Variants in SRI observed in about 807,000 individuals in gnomAD.
The protein encoded by SRI is 22 kDa protein.
SRI carries 30 observed loss-of-function variants against 33.3 expected under a neutral mutation model. The ratio of observed to expected loss-of-function variants is 0.90; its 90% CI spans 0.67 to 1.22. SRI has a LOEUF of 1.22. SRI is among the 50% of genes most tolerant of loss of function. The pLI is 0.00. For synonymous variants in SRI, 75 were observed against 89.9 expected (o/e 0.83, Z 0.94); for missense variants, 243 against 250.8 (o/e 0.97, Z 0.21).
intron 3 of SRI, among the ~76,000 whole-genome samples, chr7:88,214,620 ATAAT>A (rs574237768): frequency 2.7e-4 from 41 of 151,402 alleles, no homozygotes; most frequent in African/African-American, 9.2e-4. Context: ...TCTATTTTAA[ATAAT>A]TATTTAAAAT....
At chr7:88,214,863 A>G in intron 3 of SRI, 1 of 1,263,276 alleles carries the variant, frequency 7.9e-7, no homozygotes. Context: ...TCTCACAGAA[A>G]CATACAATAT....
Position 88,205,241 on chromosome 7 carries a change from T to A in SRI, c.*1237A>T, listed in dbSNP as rs566447585. ...CAAGTAGAAAATAGACTAATTTCAT[T>A]TTTTATCTGTTAAGCTCTCTTGATA... On this transcript the variant is annotated 3_prime_UTR_variant, in exon 8 of 8. Transcript: ENST00000265729. The A allele has an allele frequency of 6.0e-4, 92 of 152,334 alleles. No individual in the cohort carries two copies. Among genetic ancestry groups the A allele is most frequent in the African/African-American group, 1.9e-3 (81 of 41,578 alleles). The allele number at this position is 152,334 out of a possible 1,614,324, so 9.4% of individuals were successfully genotyped here.
intron 3 of SRI, among the ~76,000 whole-genome samples, chr7:88,211,445 A>C (rs1236101533): frequency 6.6e-6 from 1 of 151,146 alleles, no homozygotes; most frequent in Admixed American, 6.6e-5. Context: ...ACAGGGCAAG[A>C]CTCCATCTCA....
chr7:88,215,905 A>T (rs1392664990), intron 3 of SRI, among the ~76,000 whole-genome samples: 2 of 152,220 alleles, frequency 1.3e-5, no homozygotes, highest in Non-Finnish European at 2.9e-5. Flanking sequence ...TACCCTGGAA[A>T]TCTATCATGT....
Position 88,220,004 on chromosome 7 carries a change from C to A in SRI, c.23G>T (p.Gly8Val). 1 of 1,535,578 alleles carries A rather than the reference C, an allele frequency of 6.5e-7. No individual in the cohort carries two copies. The highest frequency in any genetic ancestry group is 8.7e-7 in the Non-Finnish European group (1 of 1,145,890). The change falls in exon 1 of 8, where the codon GGC becomes GTC. Residue 8 changes from glycine (G) to valine (V), a missense_variant. Transcript: ENST00000265729. MAYPGHP[G>V]AGGGYYPGGY... ...GCCTGGGTAGTACCCGCCGCCGGCG[C>A]CAGGATGCCCCGGGTACGCCATGCT...
chr7:88,214,911 C>T (rs1223016436), intron 3 of SRI: 1 of 890,226 alleles, frequency 1.1e-6, no homozygotes, highest in Non-Finnish European at 1.6e-6. Context: ...CCAGCTGTTT[C>T]TCTCAACCTT....
At chr7:88,222,621 A>G (rs183329407), upstream of SRI, among the ~76,000 whole-genome samples, 160 of 152,326 alleles carry the variant, frequency 1.1e-3, 1 homozygote, top group African/African-American at 3.6e-3. Flanking sequence ...TACAGTAACC[A>G]AAACAGCATG....
At chr7:88,225,513 G>A (rs1267554374) in intron 1 of SRI, among the ~76,000 whole-genome samples, 1 of 152,130 alleles carries the variant, frequency 6.6e-6, no homozygotes, top group Non-Finnish European at 1.5e-5. Context: ...GGACTACAAA[G>A]TATTTTCTGA....
upstream of SRI, among the ~76,000 whole-genome samples, chr7:88,221,979 A>G (rs1424294008): frequency 2.0e-5 from 3 of 147,400 alleles, no homozygotes; most frequent in South Asian, 2.3e-4. Context: ...GAGAATGATG[A>G]TTTCCAATTT....
intron 1 of SRI, among the ~76,000 whole-genome samples, chr7:88,225,308 A>G (rs1335845873): frequency 1.3e-5 from 2 of 152,192 alleles, no homozygotes; most frequent in African/African-American, 4.8e-5. Context: ...ATCATTGTAC[A>G]TATGTAAATA....
Position 88,210,146 on chromosome 7 carries a change from G to A in SRI, c.250-16C>T. 1 of 1,613,734 alleles carries A rather than the reference G, an allele frequency of 6.2e-7. No homozygotes were observed. The highest frequency in any genetic ancestry group is 1.7e-4 in the Middle Eastern group (1 of 6,060). ...ACATATCTCTCTGAACTGTAATCAAGGATTAGAGCTGTATTTTGCGATATT... is the reference window on the plus strand; with the variant it reads ...ACATATCTCTCTGAACTGTAATCAAAGATTAGAGCTGTATTTTGCGATATT... On this transcript the variant is annotated splice_polypyrimidine_tract_variant and intron_variant, in intron 4 of 7. Transcript: ENST00000265729.
chr7:88,226,873 G>A lies in SRI; in HGVS notation c.6+36C>T, dbSNP rs200051269. The A allele has an allele frequency of 3.1e-5, 49 of 1,604,884 alleles. No homozygotes were observed. The Admixed American group carries it at 6.5e-4, about 21-fold the overall frequency. ...AGAATTAGAACATTGGAGCTGCATG[G>A]AATAGTCTAATATTATATACATATC... is the stretch of plus-strand genomic sequence containing the variant. On this transcript the variant is annotated intron_variant, in intron 1 of 7. Transcript: ENST00000394641.
At chr7:88,208,908 A>G (rs961366275) in intron 6 of SRI, 4 of 326,572 alleles carry the variant, frequency 1.2e-5, no homozygotes, top group African/African-American at 6.4e-5. Context: ...CTTAATAACA[A>G]AGATACTGCT....
upstream of SRI, chr7:88,220,132 G>A: frequency 7.4e-7 from 1 of 1,350,452 alleles, no homozygotes; most frequent in Non-Finnish European, 9.4e-7. Flanking sequence ...GCACCACGCG[G>A]GCGTGGGGGA....
intron 3 of SRI, 74 bp downstream of exon 3, chr7:88,217,048 C>T: frequency 7.4e-7 from 1 of 1,355,522 alleles, no homozygotes; most frequent in Non-Finnish European, 1.1e-6. Flanking sequence ...TTCTTGAAGG[C>T]TGTAATCACA....
chr7:88,217,294 T>C, intron 2 of SRI, 103 bp from the exon 3 acceptor site: 1 of 992,556 alleles, frequency 1.0e-6, no homozygotes, highest in Non-Finnish European at 1.5e-6. Flanking sequence ...ATCAGTATCT[T>C]TTTTTTATTT....
intron 1 of SRI, 99 bp downstream of exon 1, chr7:88,219,877 G>C: frequency 7.0e-7 from 1 of 1,423,354 alleles, no homozygotes; most frequent in South Asian, 1.3e-5. Flanking sequence ...CCGGGTAGCC[G>C]CCCAGCAGCG....
At chr7:88,214,049 C>A (rs952196486) in intron 3 of SRI, among the ~76,000 whole-genome samples, 3 of 152,080 alleles carry the variant, frequency 2.0e-5, no homozygotes, top group Admixed American at 6.5e-5. Context: ...ACACATATAA[C>A]CCTAATCATG....
chr7:88,220,736 A>G (rs1035192427), upstream of SRI, among the ~76,000 whole-genome samples: 3 of 152,234 alleles, frequency 2.0e-5, no homozygotes, highest in African/African-American at 4.8e-5. Flanking sequence ...AGACTCACAC[A>G]TATCGTTCTT....
Sources: allele counts gnomAD v4.1 joint callset (sites outside exome capture counted in the v4.1 genomes callset), GRCh38; gene constraint gnomAD v4.1.1; transcripts MANE v1.5; gene names NCBI Gene and HGNC (gene_info 2026-07-23, HGNC 2026-07-21).